The following YJU2 variants were observed in gnomAD, a reference collection of about 807,000 sequenced individuals.
YJU2 encodes splicing factor YJU2.
Under a neutral mutation model 39.6 loss-of-function variants are expected in YJU2, and 28 were observed. The observed-to-expected ratio is 0.71, with a 90% CI of 0.52 to 0.97. The LOEUF is 0.97. Ranked by LOEUF, YJU2 falls within the 50% of genes least tolerant of loss-of-function variation. YJU2 has a pLI of 0.00. For missense variants in YJU2, 328 were observed against 430.4 expected (o/e 0.76, Z 2.11); for synonymous variants, 184 against 182.4 (o/e 1.01, Z -0.07).
intron 6 of YJU2, among the ~76,000 whole-genome samples, chr19:4,262,638 G>A (rs1971081564): frequency 6.6e-6 from 1 of 152,170 alleles, no homozygotes; most frequent in African/African-American, 2.4e-5. Flanking sequence ...GCGGGGTGCA[G>A]TGGCTCATGC....
rs1224588315 is a variant in YJU2, at chr19:4,268,995, G to C, written c.*299G>C. ...CTTCCAACACTACTTCAGGGTGGCAGTGTTTGGGGCACTGGGCGAGCCTGC... is the reference window on the plus strand; with the variant it reads ...CTTCCAACACTACTTCAGGGTGGCACTGTTTGGGGCACTGGGCGAGCCTGC... On this transcript the variant is annotated 3_prime_UTR_variant, in exon 8 of 8. Transcript: ENST00000262962. 2.6e-6 allele frequency: 1 copy of C among 387,464 alleles called. No individual in the cohort carries two copies. The highest frequency in any genetic ancestry group is 4.8e-6 in the Non-Finnish European group (1 of 209,162). 24.0% of individuals were successfully genotyped at this position (387,464 alleles called of 1,614,324 possible).
In YJU2 at chr19:4,268,802, G is replaced by A; in HGVS notation, c.*106G>A. The stretch of plus-strand genomic sequence containing the variant: ...GGCAGGAGGCCTTGGCGTGACTGGA[G>A]GCCGGACAGACAAGCGCCAGCGTGC... On this transcript the variant is annotated 3_prime_UTR_variant, in exon 8 of 8. Transcript: ENST00000262962. The A allele has an allele frequency of 1.3e-6, 1 of 798,876 alleles. No individual in the cohort carries two copies. Among genetic ancestry groups the A allele is most frequent in the Non-Finnish European group, 2.1e-6 (1 of 487,284 alleles). 49.5% of individuals were successfully genotyped at this position (798,876 alleles called of 1,614,324 possible).
chr19:4,249,153 G>A, intron 1 of YJU2, 75 bp from the exon 2 acceptor site: 1 of 1,015,802 alleles, frequency 9.8e-7, no homozygotes, highest in Non-Finnish European at 1.5e-6. Flanking sequence ...CAGCTCCCCA[G>A]AGCCCCTTCC....
intron 5 of YJU2, among the ~76,000 whole-genome samples, chr19:4,259,152 G>A (rs374496991): frequency 1.8e-5 from 2 of 112,732 alleles, no homozygotes; most frequent in African/African-American, 4.0e-5. Flanking sequence ...GCGCCATCTC[G>A]CTCACTGCAA....
rs146661467 is a variant in YJU2, at chr19:4,251,789, C to A, written c.270+618C>A. The stretch of plus-strand genomic sequence containing the variant: ...AGCCCCTGAGGTCAGGAGTTTGAGA[C>A]CAGCCTGGCCAACATGGTGAAACCC... On this transcript the variant is annotated intron_variant, in intron 3 of 7. Coordinates refer to ENST00000262962, the MANE Select transcript of YJU2 (RefSeq NM_018074.6). Among the ~76,000 whole-genome samples the A allele has an allele frequency of 6.0e-3, 909 of 151,662 alleles. 10 individuals are homozygous for A. Among genetic ancestry groups the A allele is most frequent in the African/African-American group, 0.021 (849 of 41,308 alleles).
chr19:4,267,567 G>A, intron 6 of YJU2, 57 bp from the exon 7 acceptor site: 1 of 1,578,084 alleles, frequency 6.3e-7, no homozygotes. Context: ...GTGGCGAGGG[G>A]CCAGACTGGG....
intron 3 of YJU2, among the ~76,000 whole-genome samples, chr19:4,254,120 G>A (rs1215097800): frequency 6.6e-6 from 1 of 152,150 alleles, no homozygotes; most frequent in Non-Finnish European, 1.5e-5. Context: ...CAGGGAGGCA[G>A]TGGGCAGATG....
chr19:4,266,703 T>C (rs1210788860), intron 6 of YJU2, among the ~76,000 whole-genome samples: 9 of 152,174 alleles, frequency 5.9e-5, no homozygotes, highest in Non-Finnish European at 4.4e-5. Flanking sequence ...TTGAAGAGGC[T>C]AGATGCAGTG....
intron 4 of YJU2, 79 bp from the exon 5 acceptor site, chr19:4,258,153 CGTGGCCCGCA>C: frequency 6.7e-7 from 1 of 1,497,268 alleles, no homozygotes; most frequent in Non-Finnish European, 8.9e-7. Context: ...GGGTTCCTCC[CGTGGCCCGCA>C]GTGGCCCCCG....
chr19:4,258,968 G>C lies in YJU2; in HGVS notation c.587+545G>C, dbSNP rs559797667. On this transcript the variant is annotated intron_variant, in intron 5 of 7. Transcript: ENST00000262962. Reference sequence around the variant, plus strand: ...GCCCCAGAGCCCGTCCCATCCATGAGGGTGGGAGGCCCCCAGCACAGGCTC... The same window carrying C: ...GCCCCAGAGCCCGTCCCATCCATGACGGTGGGAGGCCCCCAGCACAGGCTC... 5.5e-4 allele frequency among the ~76,000 whole-genome samples: 83 copies of C among 152,146 alleles called. No homozygotes were observed. In the South Asian group the frequency reaches 0.017, roughly 30 times the overall value.
At chr19:4,257,323 T>C (rs998311055) in intron 4 of YJU2, among the ~76,000 whole-genome samples, 3 of 152,130 alleles carry the variant, frequency 2.0e-5, no homozygotes, top group African/African-American at 7.2e-5. Flanking sequence ...AGATAGAGTC[T>C]CGCTCTGTCA....
At chr19:4,256,782 C>A (rs1026000522) in intron 4 of YJU2, among the ~76,000 whole-genome samples, 3 of 152,100 alleles carry the variant, frequency 2.0e-5, no homozygotes, top group African/African-American at 7.2e-5. Context: ...AGCCTCAGTT[C>A]CTCGCTGTGT....
chr19:4,260,068 G>A (rs921135325), intron 5 of YJU2, among the ~76,000 whole-genome samples: 1 of 152,082 alleles, frequency 6.6e-6, no homozygotes, highest in East Asian at 1.9e-4. Context: ...AGACAGGCTG[G>A]TTCCGGCATC....
rs532143281 is a variant in YJU2 at position 4,259,245 on chromosome 19, A to AT, written c.587+828dup. ...AGGCATCCGCCACCAAGCCCGGCTA[A>AT]TTTTTTGTAATTTTTAGTAGAGATG... is the stretch of plus-strand genomic sequence containing the variant. On this transcript the variant is annotated intron_variant, in intron 5 of 7. Coordinates refer to ENST00000262962, the MANE Select transcript of YJU2 (RefSeq NM_018074.6). Among the ~76,000 whole-genome samples, 20 of 150,904 alleles carry AT rather than the reference A, an allele frequency of 1.3e-4. No homozygotes were observed. The East Asian group carries it at 2.9e-3, about 22-fold the overall frequency.
At chr19:4,261,879 A>G (rs1413311127) in intron 5 of YJU2, 115 bp from the exon 6 acceptor site, 4 of 1,005,436 alleles carry the variant, frequency 4.0e-6, no homozygotes, top group Non-Finnish European at 5.9e-6. Flanking sequence ...ACCCCTGCTC[A>G]CTGAGGGCAG....
At chr19:4,268,558 T>G in intron 7 of YJU2, 26 bp from the exon 8 acceptor site, 106 of 1,530,716 alleles carry the variant, frequency 6.9e-5, no homozygotes, top group Non-Finnish European at 8.6e-5. Flanking sequence ...GGAGCTGAGA[T>G]GAGCTAACTC....
At position 4,258,375 on chromosome 19, in the gene YJU2, A is replaced by G; in HGVS notation, c.539A>G (p.Glu180Gly). 3 of 1,598,024 alleles carry G rather than the reference A, an allele frequency of 1.9e-6. No homozygotes were observed. The highest frequency in any genetic ancestry group is 2.6e-6 in the Non-Finnish European group (3 of 1,174,250). ...ATGCTGAGGCAGCACCGCCTGTCGG[A>G]GGAGGAGCGGCGGAGGCAGCAGCAG... The part of the protein sequence containing the change: ...EAMLRQHRLS[E>G]EERRRQQQEE... Residue 180 changes from glutamate (E) to glycine (G), a missense_variant, in exon 5 of 8, where the codon GAG (glutamate) becomes GGG (glycine). By Grantham distance (98) the Glu-to-Gly change is moderately conservative. Coordinates refer to ENST00000262962, the MANE Select transcript of YJU2 (RefSeq NM_018074.6).
At chr19:4,251,290 C>A in intron 3 of YJU2, 119 bp downstream of exon 3, 1 of 1,031,000 alleles carries the variant, frequency 9.7e-7, no homozygotes, top group Non-Finnish European at 1.4e-6. Flanking sequence ...TCAGTTTATC[C>A]CCAAGAAACA....
intron 3 of YJU2, among the ~76,000 whole-genome samples, chr19:4,253,928 C>T (rs947464247): frequency 2.0e-5 from 3 of 152,046 alleles, no homozygotes; most frequent in African/African-American, 7.2e-5. Context: ...ATGCCTCAGC[C>T]TCCAGAGTAG....
Sources: gnomAD v4.1 joint callset for allele counts (sites outside exome capture counted in the v4.1 genomes callset) on GRCh38, gnomAD v4.1.1 for gene constraint, MANE v1.5 for transcripts, NCBI Gene and HGNC (gene_info 2026-07-23, HGNC 2026-07-21) for gene names.